The following NAV3 variants were observed in gnomAD, a reference collection of about 807,000 sequenced individuals.
The protein encoded by NAV3 is neuron navigator 3.
A neutral mutation model predicts 244.7 loss-of-function variants in NAV3; 87 were observed. That is an observed-to-expected ratio of 0.36 (90% confidence interval 0.30 to 0.42). NAV3 has a LOEUF of 0.42. NAV3 is among the 20% of genes least tolerant of loss of function. The probability of loss-of-function intolerance (pLI) is 1.00; values close to 1 mark genes in which losing one functional copy is unlikely to be tolerated. For synonymous variants in NAV3, 1,126 were observed against 1,042.2 expected (o/e 1.08, Z -1.55); for missense variants, 2,663 against 2,893.3 (o/e 0.92, Z 1.83).
At chr12:77,710,191 T>C (rs1354452166) in intron 2 of NAV3, among the ~76,000 whole-genome samples, 1 of 152,212 alleles carries the variant, frequency 6.6e-6, no homozygotes, top group Admixed American at 6.5e-5. Flanking sequence ...AAACTTCAAA[T>C]CATTAAAAGG....
At chr12:78,140,015 G>T (rs1161132755) in intron 19 of NAV3, among the ~76,000 whole-genome samples, 1 of 152,090 alleles carries the variant, frequency 6.6e-6, no homozygotes, top group Non-Finnish European at 1.5e-5. Flanking sequence ...CTTTCAACAT[G>T]TACGAAACAG....
At chr12:77,699,091 C>A (rs890380936) in intron 2 of NAV3, among the ~76,000 whole-genome samples, 3 of 151,990 alleles carry the variant, frequency 2.0e-5, no homozygotes, top group Admixed American at 1.3e-4. Flanking sequence ...GTGTTTTATC[C>A]ACTTTTATTT....
At chr12:77,666,284 A>G (rs1391815309) in intron 2 of NAV3, among the ~76,000 whole-genome samples, 1 of 148,536 alleles carries the variant, frequency 6.7e-6, no homozygotes, top group African/African-American at 2.5e-5. Context: ...GTAGATCTTG[A>G]TTTCATTAAC....
chr12:77,654,787 TA>T (rs1408521287), intron 2 of NAV3, among the ~76,000 whole-genome samples: 9 of 103,974 alleles, frequency 8.7e-5, no homozygotes, highest in African/African-American at 4.4e-4. Flanking sequence ...GACAGCAGCA[TA>T]TTCGCGGTTC....
At chr12:78,077,007 C>A (rs1034559192) in intron 12 of NAV3, among the ~76,000 whole-genome samples, 1 of 152,048 alleles carries the variant, frequency 6.6e-6, no homozygotes. Context: ...GAATTCATCT[C>A]TGAGTTTAGA....
At chr12:77,878,518 C>A (rs970684561) in intron 1 of NAV3, among the ~76,000 whole-genome samples, 10 of 152,112 alleles carry the variant, frequency 6.6e-5, no homozygotes, top group African/African-American at 2.4e-4. Flanking sequence ...CGTGAACCAC[C>A]ACACCCAGCC....
intron 2 of NAV3, among the ~76,000 whole-genome samples, chr12:77,794,092 C>A (rs1206730041): frequency 1.3e-5 from 2 of 152,030 alleles, no homozygotes; most frequent in African/African-American, 4.8e-5. Flanking sequence ...AGCTTTTTTT[C>A]ATATGTTTCT....
At chr12:78,169,225 A>C (rs1262467211) in intron 24 of NAV3, among the ~76,000 whole-genome samples, 1 of 151,744 alleles carries the variant, frequency 6.6e-6, no homozygotes, top group Non-Finnish European at 1.5e-5. Context: ...CCCATTAATG[A>C]GTATGATAAT....
At chr12:78,028,348 A>G (rs1878426028) in intron 9 of NAV3, among the ~76,000 whole-genome samples, 1 of 152,216 alleles carries the variant, frequency 6.6e-6, no homozygotes, top group Non-Finnish European at 1.5e-5. Context: ...AATATATGAC[A>G]TTAAATTTTT....
chr12:77,703,574 A>G (rs1275141524), intron 2 of NAV3, among the ~76,000 whole-genome samples: 1 of 152,142 alleles, frequency 6.6e-6, no homozygotes, highest in Non-Finnish European at 1.5e-5. Flanking sequence ...GAGAAGTTAT[A>G]TGTAACCTTC....
chr12:77,918,612 CG>C lies in NAV3; in HGVS notation c.244-21705del, dbSNP rs141235218. On this transcript the variant is annotated intron_variant, in intron 1 of 39. Transcript: ENST00000397909. ...CTACGGGCTTACTCAAGTTTGTGGCCGGCTGCCCATCAGCTAGGTGATAGTT... is the reference window on the plus strand; with the variant it reads ...CTACGGGCTTACTCAAGTTTGTGGCCGCTGCCCATCAGCTAGGTGATAGTT... 1.0e-2 allele frequency among the ~76,000 whole-genome samples: 1,519 copies of C among 152,072 alleles called. 12 individuals carry two copies. The highest frequency in any genetic ancestry group is 0.014 in the Admixed American group (221 of 15,250).
chr12:77,880,630 A>G (rs1882509883), intron 1 of NAV3, among the ~76,000 whole-genome samples: 1 of 152,186 alleles, frequency 6.6e-6, no homozygotes, highest in East Asian at 1.9e-4. Context: ...CATCAAAGAT[A>G]TGCCGCATAT....
intron 2 of NAV3, among the ~76,000 whole-genome samples, chr12:77,599,551 A>G (rs934954674): frequency 2.0e-5 from 3 of 151,890 alleles, no homozygotes; most frequent in Non-Finnish European, 4.4e-5. Flanking sequence ...CTGGTTTAAG[A>G]TAAAACAAAA....
At chr12:77,643,693 TATTC>T (rs1418251825) in intron 2 of NAV3, among the ~76,000 whole-genome samples, 2 of 151,946 alleles carry the variant, frequency 1.3e-5, no homozygotes, top group African/African-American at 4.8e-5. Flanking sequence ...TTACTTAATT[TATTC>T]ATTCTTAACA....
chr12:77,676,533 G>C (rs1312869177), intron 2 of NAV3, among the ~76,000 whole-genome samples: 2 of 148,762 alleles, frequency 1.3e-5, no homozygotes, highest in African/African-American at 4.9e-5. Flanking sequence ...CGTCCTGTGT[G>C]GCTGGTAAGC....
In NAV3 at chr12:78,179,702, C is replaced by G. The variant is rs1214182093; in HGVS notation, c.5517+20C>G. 2.5e-6 allele frequency: 4 copies of G among 1,592,512 alleles called. No individual in the cohort carries two copies. Among genetic ancestry groups the G allele is most frequent in the Non-Finnish European group, 3.4e-6 (4 of 1,169,894 alleles). On this transcript the variant is annotated intron_variant, in intron 29 of 39. Transcript: ENST00000397909. ...ATGCAGGTTGGTACTGAAGCACTTT[C>G]AAGGAATAAAATGGAGAAACAAAAA...
At chr12:77,629,049 A>C (rs1378430257) in intron 2 of NAV3, among the ~76,000 whole-genome samples, 1 of 152,248 alleles carries the variant, frequency 6.6e-6, no homozygotes. Context: ...CAATTAAAAT[A>C]ATTTTATGTT....
intron 2 of NAV3, among the ~76,000 whole-genome samples, chr12:77,813,753 T>G (rs116547085): frequency 0.013 from 2,054 of 152,258 alleles, 45 homozygotes; most frequent in African/African-American, 0.047. Context: ...CGGCATTAGA[T>G]TCCTTCATAT....
rs116924769 is a variant in NAV3, at chr12:78,201,692, A to G, written c.6834+1101A>G. 9.6e-3 allele frequency among the ~76,000 whole-genome samples: 1,459 copies of G among 152,198 alleles called. 11 individuals carry two copies. The highest frequency in any genetic ancestry group is 0.02 in the South Asian group (97 of 4,826). ...AACTCTTTAAAATCTGTGTAACATAATCACCCAATTTATTGAGGAAGGATC... is the reference window on the plus strand; with the variant it reads ...AACTCTTTAAAATCTGTGTAACATAGTCACCCAATTTATTGAGGAAGGATC... On this transcript the variant is annotated intron_variant, in intron 38 of 39. Transcript: ENST00000397909.
Sources: allele counts gnomAD v4.1 joint callset (sites outside exome capture counted in the v4.1 genomes callset), GRCh38; gene constraint gnomAD v4.1.1; transcripts MANE v1.5; gene names NCBI Gene and HGNC (gene_info 2026-07-23, HGNC 2026-07-21).